The following CLEC6A variants were observed in gnomAD, a reference collection of about 807,000 sequenced individuals.
CLEC6A encodes the protein C-type lectin domain containing 6A, also known as C-type lectin domain family 6 member A.
A neutral mutation model predicts 25.7 loss-of-function variants in CLEC6A; 22 were observed. That is an observed-to-expected ratio of 0.85 (90% CI 0.61 to 1.22). The LOEUF (loss-of-function observed/expected upper bound fraction) is 1.22. Among genes scored for constraint, CLEC6A ranks in the 50% most tolerant of loss-of-function variants. The probability of loss-of-function intolerance (pLI) is 0.00; values close to 1 mark genes in which losing one functional copy is unlikely to be tolerated. For synonymous variants in CLEC6A, 92 were observed against 76.7 expected (o/e 1.20, Z -1.04); for missense variants, 240 against 236.8 (o/e 1.01, Z -0.09).
At chr12:8,477,273 A>G in intron 5 of CLEC6A, 47 bp from the exon 6 acceptor site, 3 of 1,511,514 alleles carry the variant, frequency 2.0e-6, no homozygotes, top group Non-Finnish European at 2.7e-6. Flanking sequence ...CTAATCATTC[A>G]CCATGCATTC....
At chr12:8,475,363 TG>T (rs1939960408) in intron 4 of CLEC6A, among the ~76,000 whole-genome samples, 1 of 151,932 alleles carries the variant, frequency 6.6e-6, no homozygotes, top group African/African-American at 2.4e-5. Context: ...TGTGTGTGTG[TG>T]TGTCTATACA....
chr12:8,458,102 T>C (rs939587229), intron 2 of CLEC6A, 115 bp downstream of exon 2: 1 of 644,716 alleles, frequency 1.6e-6, no homozygotes, highest in Admixed American at 3.0e-5. Flanking sequence ...TTACTTGGAA[T>C]GCCACACTTT....
intron 4 of CLEC6A, among the ~76,000 whole-genome samples, chr12:8,469,290 C>G (rs1413413480): frequency 6.6e-6 from 1 of 152,096 alleles, no homozygotes; most frequent in East Asian, 1.9e-4. Context: ...ACAGATGACA[C>G]AAGCAAATGG....
intron 4 of CLEC6A, among the ~76,000 whole-genome samples, chr12:8,473,908 T>C (rs1448956778): frequency 6.6e-6 from 1 of 152,188 alleles, no homozygotes; most frequent in Non-Finnish European, 1.5e-5. Context: ...TTTTGCCCAT[T>C]TTTTAATGGG....
At chr12:8,471,051 A>G (rs73244610) in intron 4 of CLEC6A, among the ~76,000 whole-genome samples, 9,048 of 152,128 alleles carry the variant, frequency 0.059, 633 homozygotes, top group African/African-American at 0.17. Context: ...AATTGAGGTA[A>G]TCAGGTGGTT....
intron 4 of CLEC6A, among the ~76,000 whole-genome samples, chr12:8,475,496 G>A (rs1449168262): frequency 2.0e-5 from 3 of 151,980 alleles, no homozygotes; most frequent in African/African-American, 4.8e-5. Context: ...TGGTGGTGTA[G>A]GTCCAGTTTG....
chr12:8,456,957 A>C (rs1939684282), intron 1 of CLEC6A, among the ~76,000 whole-genome samples: 1 of 152,086 alleles, frequency 6.6e-6, no homozygotes, highest in Non-Finnish European at 1.5e-5. Flanking sequence ...TAAAAAGACA[A>C]AACTTAGCTG....
chr12:8,477,585 T>TG lies in CLEC6A; in HGVS notation c.*121_*122insG. 3 of 679,052 alleles carry TG rather than the reference T, an allele frequency of 4.4e-6. No individual in the cohort carries two copies. The highest frequency in any genetic ancestry group is 1.9e-5 in the African/African-American group (1 of 53,628). 42.1% of individuals were successfully genotyped at this position (679,052 alleles called of 1,614,324 possible). On this transcript the variant is annotated 3_prime_UTR_variant, in exon 6 of 6. Coordinates refer to ENST00000382073, the MANE Select transcript of CLEC6A (RefSeq NM_001007033.2). ...CCTGAATTTACACATAATCCTTATGTTATAGAGGTTCACAGAAATGGAAAG... is the reference window on the plus strand; with the variant it reads ...CCTGAATTTACACATAATCCTTATGTGTATAGAGGTTCACAGAAATGGAAAG...
intron 3 of CLEC6A, among the ~76,000 whole-genome samples, chr12:8,463,353 G>T (rs374650794): frequency 1.5e-4 from 23 of 152,230 alleles, no homozygotes; most frequent in East Asian, 7.7e-4. Flanking sequence ...ATCTTAATGA[G>T]ATGAGTGGAA....
intron 3 of CLEC6A, chr12:8,460,789 G>T: frequency 1.5e-6 from 2 of 1,315,330 alleles, no homozygotes; most frequent in Non-Finnish European, 2.2e-6. Context: ...GGCCAAACAA[G>T]GTTACCTTAT....
intron 4 of CLEC6A, among the ~76,000 whole-genome samples, chr12:8,474,395 T>A (rs890615485): frequency 5.9e-5 from 9 of 152,222 alleles, no homozygotes; most frequent in Non-Finnish European, 2.9e-5. Flanking sequence ...TTTGGCTTGA[T>A]TTCTAGATTC....
Position 8,477,397 on chromosome 12 carries a change from G to C in CLEC6A, c.563G>C (p.Gly188Ala), listed in dbSNP as rs147949525. 1 of 1,612,102 alleles carries C rather than the reference G, an allele frequency of 6.2e-7. No individual in the cohort carries two copies. The highest frequency in any genetic ancestry group is 1.3e-5 in the African/African-American group (1 of 74,890). ...SIVFWKPTGWGWNDVICETRR... is the reference protein window; with the variant it reads ...SIVFWKPTGWAWNDVICETRR... ...GTCTTCTGGAAACCTACAGGATGGG[G>C]CTGGAATGATGTTATCTGTGAAACT... is the stretch of plus-strand genomic sequence containing the variant. Residue 188 changes from glycine (G) to alanine (A), a missense_variant, in exon 6 of 6, where the codon GGC becomes GCC. Gly to Ala is a moderately conservative substitution (Grantham distance 60). Coordinates refer to ENST00000382073, the MANE Select transcript of CLEC6A (RefSeq NM_001007033.2).
At chr12:8,463,270 A>G (rs1306630869) in intron 3 of CLEC6A, among the ~76,000 whole-genome samples, 1 of 152,202 alleles carries the variant, frequency 6.6e-6, no homozygotes, top group Non-Finnish European at 1.5e-5. Flanking sequence ...ATCAGGACAC[A>G]ATATCAAAAC....
In CLEC6A at chr12:8,455,982, C is replaced by G; in HGVS notation, c.-130C>G. The G allele has an allele frequency of 1.4e-6, 1 of 695,214 alleles. No homozygotes were observed. The allele number at this position is 695,214 out of a possible 1,614,324, so 43.1% of individuals were successfully genotyped here. A position where few individuals can be genotyped will look rare whatever the true frequency, so the allele number is the denominator to read the frequency against. On this transcript the variant is annotated 5_prime_UTR_variant, in exon 1 of 6. Coordinates refer to ENST00000382073, the MANE Select transcript of CLEC6A (RefSeq NM_001007033.2). Reference sequence around the variant, plus strand: ...CACTTAATGTTGGAAGTCTCTTAGTCCTATAAGAGTGTGTAGCAGTTTGTC... The same window carrying G: ...CACTTAATGTTGGAAGTCTCTTAGTGCTATAAGAGTGTGTAGCAGTTTGTC...
intron 4 of CLEC6A, among the ~76,000 whole-genome samples, chr12:8,467,643 T>C (rs1041153282): frequency 6.6e-6 from 1 of 152,240 alleles, no homozygotes; most frequent in Non-Finnish European, 1.5e-5. Flanking sequence ...AACTTTGTTC[T>C]TTTTCAAGGT....
intron 4 of CLEC6A, among the ~76,000 whole-genome samples, chr12:8,466,662 G>GT (rs59520151): frequency 0.77 from 113,019 of 146,974 alleles, 43,665 homozygotes; most frequent in East Asian, 0.98. Context: ...GTGTTGTTTT[G>GT]TTTTTTTTTT....
At chr12:8,474,900 A>G (rs1206575710) in intron 4 of CLEC6A, among the ~76,000 whole-genome samples, 1 of 152,062 alleles carries the variant, frequency 6.6e-6, no homozygotes. Flanking sequence ...TTTTAAAATT[A>G]TACTTTAAGT....
At chr12:8,462,153 G>A (rs1010642011) in intron 3 of CLEC6A, among the ~76,000 whole-genome samples, 4 of 151,978 alleles carry the variant, frequency 2.6e-5, no homozygotes, top group African/African-American at 4.8e-5. Flanking sequence ...TTAAACAGAT[G>A]CTTGAAGGCA....
chr12:8,467,469 A>G (rs7978179), intron 4 of CLEC6A, among the ~76,000 whole-genome samples: 117,624 of 152,120 alleles, frequency 0.77, 45,934 homozygotes, highest in East Asian at 0.99. Flanking sequence ...ATTGTGTGGT[A>G]TTGGCACCTT....
Sources: allele counts gnomAD v4.1 joint callset (sites outside exome capture counted in the v4.1 genomes callset), GRCh38; gene constraint gnomAD v4.1.1; transcripts MANE v1.5; gene names NCBI Gene and HGNC (gene_info 2026-07-23, HGNC 2026-07-21).